Variants in ESRRG observed in about 807,000 individuals in gnomAD.
The protein encoded by ESRRG is estrogen related receptor gamma, also known as estrogen-related receptor gamma.
A neutral mutation model predicts 44.0 loss-of-function variants in ESRRG; 13 were observed. That is an observed-to-expected ratio of 0.30 (90% CI 0.19 to 0.47). The LOEUF (loss-of-function observed/expected upper bound fraction) is 0.47, where lower values mean the gene tolerates loss of function less well. ESRRG is among the 20% of genes least tolerant of loss of function. The probability of loss-of-function intolerance (pLI) is 1.00; values close to 1 mark genes in which losing one functional copy is unlikely to be tolerated. For synonymous variants in ESRRG, 215 were observed against 214.6 expected (o/e 1.00, Z -0.02); for missense variants, 395 against 580.6 (o/e 0.68, Z 3.29).
At chr1:216,860,045 C>T (rs1210701607) in intron 2 of ESRRG, among the ~76,000 whole-genome samples, 1 of 152,296 alleles carries the variant, frequency 6.6e-6, no homozygotes, top group Middle Eastern at 3.4e-3. Context: ...GGACAGATCA[C>T]TTGAGGCCAG....
chr1:216,566,916 G>A (rs1034859797), intron 4 of ESRRG, among the ~76,000 whole-genome samples: 4 of 152,112 alleles, frequency 2.6e-5, no homozygotes, highest in Admixed American at 2.0e-4. Context: ...TAGCTAAAAT[G>A]TCCTTTCATT....
At chr1:217,112,049 G>T (rs61457697) in intron 1 of ESRRG, among the ~76,000 whole-genome samples, 25,519 of 151,954 alleles carry the variant, frequency 0.17, 2,490 homozygotes, top group African/African-American at 0.26. Context: ...ATAACGGCCA[G>T]CCCTGTGAGT....
In ESRRG at chr1:216,677,502, G is replaced by A; in HGVS notation, c.57-11C>T. On this transcript the variant is annotated splice_polypyrimidine_tract_variant and intron_variant, in intron 1 of 6. Transcript: ENST00000408911. ...ATTCTGCAGAGAAGCCTGAGATTGA[G>A]GAGATACAAAGAGAGACAGAAAGAG... 1.9e-6 allele frequency: 3 copies of A among 1,590,536 alleles called. No homozygotes were observed. Among genetic ancestry groups the A allele is most frequent in the East Asian group, 2.2e-5 (1 of 44,606 alleles).
intron 2 of ESRRG, among the ~76,000 whole-genome samples, chr1:216,757,084 T>C (rs552783390): frequency 1.3e-5 from 2 of 152,202 alleles, no homozygotes; most frequent in Admixed American, 6.6e-5. Context: ...ATTGCAACTT[T>C]ATGCAATGCT....
intron 2 of ESRRG, among the ~76,000 whole-genome samples, chr1:216,762,600 A>G (rs1394660781): frequency 6.6e-6 from 1 of 151,862 alleles, no homozygotes; most frequent in Non-Finnish European, 1.5e-5. Flanking sequence ...GATATACCTA[A>G]TGCTAGATGA....
intron 2 of ESRRG, among the ~76,000 whole-genome samples, chr1:216,786,759 C>A (rs116511949): frequency 2.6e-4 from 39 of 152,142 alleles, no homozygotes; most frequent in African/African-American, 9.4e-4. Context: ...TGGAGTTAGC[C>A]AGGTAATATT....
intron 1 of ESRRG, among the ~76,000 whole-genome samples, chr1:216,694,840 T>C (rs1332829379): frequency 6.6e-6 from 1 of 152,190 alleles, no homozygotes; most frequent in Non-Finnish European, 1.5e-5. Context: ...ATTACAGGCA[T>C]GAGCCACTGC....
At chr1:216,699,657 GA>G (rs142952797) in intron 1 of ESRRG, among the ~76,000 whole-genome samples, 4,855 of 148,438 alleles carry the variant, frequency 0.033, 257 homozygotes, top group African/African-American at 0.11. Flanking sequence ...TTGTTACACT[GA>G]AAAAAAAAAT....
intron 2 of ESRRG, among the ~76,000 whole-genome samples, chr1:216,675,684 C>T (rs1482038988): frequency 6.6e-6 from 1 of 152,138 alleles, no homozygotes; most frequent in Non-Finnish European, 1.5e-5. Flanking sequence ...GCTAGGCCCA[C>T]CCTCAGAGAT....
chr1:216,968,161 A>G (rs985018634), intron 1 of ESRRG, among the ~76,000 whole-genome samples: 1 of 152,144 alleles, frequency 6.6e-6, no homozygotes, highest in Non-Finnish European at 1.5e-5. Flanking sequence ...GATGTCTTTT[A>G]TAAATGTTTT....
intron 5 of ESRRG, among the ~76,000 whole-genome samples, chr1:216,560,525 C>T (rs2058517770): frequency 6.6e-6 from 1 of 152,068 alleles, no homozygotes; most frequent in African/African-American, 2.4e-5. Context: ...TTTAAAGCAC[C>T]ATCTGACTAA....
At chr1:217,034,875 G>A (rs573348505) in intron 1 of ESRRG, among the ~76,000 whole-genome samples, 140 of 152,246 alleles carry the variant, frequency 9.2e-4, no homozygotes, top group African/African-American at 2.7e-3. Context: ...ATATTACACC[G>A]TAAATTAGAG....
upstream of ESRRG, chr1:217,090,510 T>C (rs1417011650): frequency 6.6e-6 from 1 of 152,200 alleles, no homozygotes; most frequent in African/African-American, 2.4e-5. Context: ...CGGCTCGCAC[T>C]TGCTGACTTG....
At chr1:216,644,479 AGTGCAGTGGCACGATCTCC>A (rs1222375297) in intron 3 of ESRRG, among the ~76,000 whole-genome samples, 2 of 139,600 alleles carry the variant, frequency 1.4e-5, no homozygotes. Flanking sequence ...CCCAGGCTGG[AGTGCAGTGGCACGATCTCC>A]ACTCATTGCA....
intron 3 of ESRRG, among the ~76,000 whole-genome samples, chr1:216,621,555 A>T (rs1372291158): frequency 3.9e-5 from 6 of 152,304 alleles, no homozygotes; most frequent in Middle Eastern, 3.4e-3. Context: ...TCTAGTCAAC[A>T]TCTCAAGTTG....
At chr1:217,005,053 A>T (rs1025190282) in intron 1 of ESRRG, among the ~76,000 whole-genome samples, 5 of 152,224 alleles carry the variant, frequency 3.3e-5, no homozygotes, top group Non-Finnish European at 5.9e-5. Context: ...TTTGCACAAG[A>T]TAACTCAGTG....
At chr1:216,597,829 T>A (rs1213882508) in intron 3 of ESRRG, among the ~76,000 whole-genome samples, 1 of 152,152 alleles carries the variant, frequency 6.6e-6, no homozygotes, top group Non-Finnish European at 1.5e-5. Context: ...ATTTAAGGAG[T>A]GACGTAGTGT....
intron 1 of ESRRG, among the ~76,000 whole-genome samples, chr1:217,084,957 G>T (rs1006340632): frequency 1.1e-4 from 17 of 151,890 alleles, no homozygotes; most frequent in Admixed American, 8.5e-4. Context: ...CACAACTATA[G>T]GTATTATCAA....
In ESRRG at chr1:216,505,750, G is replaced by GA. The variant is rs1207080020; in HGVS notation, c.*1188dup. On this transcript the variant is annotated 3_prime_UTR_variant, in exon 7 of 7. Transcript: ENST00000408911. ...TTAGGTAAACTGGAGCTCATGTTAA[G>GA]AAATTGATGTTTGGGACCAGACTGG... The GA allele has an allele frequency of 1.3e-5, 2 of 152,544 alleles. No homozygotes were observed. The highest frequency in any genetic ancestry group is 2.9e-5 in the Non-Finnish European group (2 of 68,028). 9.4% of individuals were successfully genotyped at this position (152,544 alleles called of 1,614,324 possible).
Sources: allele counts gnomAD v4.1 joint callset (sites outside exome capture counted in the v4.1 genomes callset), GRCh38; gene constraint gnomAD v4.1.1; transcripts MANE v1.5; gene names NCBI Gene and HGNC (gene_info 2026-07-23, HGNC 2026-07-21).